PCDHGA3: variants seen among roughly 807,000 people sequenced by gnomAD.
PCDHGA3 encodes the protein protocadherin gamma-A3.
In PCDHGA3, 40 loss-of-function variants were observed where a neutral mutation model predicts 58.5. The observed-to-expected ratio is 0.68, with a 90% CI of 0.53 to 0.89. PCDHGA3 has a LOEUF of 0.89. Among genes scored for constraint, PCDHGA3 ranks in the 40% least tolerant of loss-of-function variants. The pLI, the probability that PCDHGA3 is intolerant of heterozygous loss-of-function variation, is 0.00. For synonymous variants in PCDHGA3, 530 were observed against 525.7 expected (o/e 1.01, Z -0.11); for missense variants, 1,223 against 1,195.9 (o/e 1.02, Z -0.33).
rs781591902 is a variant in PCDHGA3, at chr5:141,477,086, G to A, written c.2425-17721G>A. The A allele has an allele frequency of 1.1e-5, 18 of 1,614,128 alleles. No individual in the cohort carries two copies. In the East Asian group the frequency reaches 3.8e-4, roughly 34 times the overall value. The stretch of plus-strand genomic sequence containing the variant: ...CAAACTCCATGAGATTTACATCCAG[G>A]CCAAAGACAAGGGCGCCAATCCCGA... On this transcript the variant is annotated intron_variant, in intron 1 of 3. Coordinates refer to ENST00000253812, the MANE Select transcript of PCDHGA3 (RefSeq NM_018916.4). The surrounding 1 kb of genome is among the most constrained non-coding windows in gnomAD (Gnocchi z 4.9).
chr5:141,419,084 GC>G (rs1218012099), intron 1 of PCDHGA3: 1 of 1,613,802 alleles, frequency 6.2e-7, no homozygotes, highest in African/African-American at 1.3e-5. Flanking sequence ...AACAGATGAG[GC>G]CCTGGATCGG....
At chr5:141,382,772 C>G (rs1778420393) in intron 1 of PCDHGA3, 1 of 776,996 alleles carries the variant, frequency 1.3e-6, no homozygotes, top group Non-Finnish European at 2.0e-6. Context: ...CCAGGCTGCA[C>G]TAAACTCAAG....
chr5:141,459,756 G>A (rs1455980132), intron 1 of PCDHGA3, among the ~76,000 whole-genome samples: 1 of 152,118 alleles, frequency 6.6e-6, no homozygotes, highest in Non-Finnish European at 1.5e-5. Flanking sequence ...AATTCTAGTG[G>A]GTGTGTGATA....
At chr5:141,413,333 C>T in intron 1 of PCDHGA3, 1 of 1,613,966 alleles carries the variant, frequency 6.2e-7, no homozygotes, top group Non-Finnish European at 8.5e-7. Context: ...GGCAACATCT[C>T]CAAGGACTTG....
At position 141,395,074 on chromosome 5, in the gene PCDHGA3, C is replaced by T. The variant is rs368699767; in HGVS notation, c.2424+48617C>T. The T allele has an allele frequency of 3.9e-5, 63 of 1,614,048 alleles. No homozygotes were observed. The African/African-American group carries it at 6.0e-4, about 15-fold the overall frequency. Reference sequence around the variant, plus strand: ...GTACAGGCTTTCCTGCAGACCTATTCCCAGGAAGTCTCCCTCACCGCCGAC... The same window carrying T: ...GTACAGGCTTTCCTGCAGACCTATTTCCAGGAAGTCTCCCTCACCGCCGAC... On this transcript the variant is annotated intron_variant, in intron 1 of 3. Transcript: ENST00000253812.
intron 1 of PCDHGA3, chr5:141,399,023 C>T: frequency 6.2e-7 from 1 of 1,613,914 alleles, no homozygotes; most frequent in African/African-American, 1.3e-5. Flanking sequence ...GAAATTACCA[C>T]TCAAAAGAAA....
Position 141,345,140 on chromosome 5 carries a change from C to G in PCDHGA3, c.1107C>G (p.Ile369Met). 6.2e-7 allele frequency: 1 copy of G among 1,613,916 alleles called. No homozygotes were observed. Among genetic ancestry groups the G allele is most frequent in the Non-Finnish European group, 8.5e-7 (1 of 1,179,870 alleles). Residue 369 changes from isoleucine (I) to methionine (M), a missense_variant, in exon 1 of 4, where the codon ATC (isoleucine) becomes ATG (methionine). By Grantham distance (10) the Ile-to-Met change is conservative. Coordinates refer to ENST00000253812, the MANE Select transcript of PCDHGA3 (RefSeq NM_018916.4). ...EGTVGREIALIDVHDRDSGQN... is the reference protein window; with the variant it reads ...EGTVGREIALMDVHDRDSGQN... The stretch of plus-strand genomic sequence containing the variant: ...CCGTTGGAAGAGAAATTGCTCTTAT[C>G]GACGTGCATGACCGAGATTCTGGGC...
In PCDHGA3 at chr5:141,432,856, G is replaced by C; in HGVS notation, c.2425-61951G>C. 1 of 1,614,142 alleles carries C rather than the reference G, an allele frequency of 6.2e-7. No homozygotes were observed. The highest frequency in any genetic ancestry group is 1.7e-5 in the Admixed American group (1 of 60,030). On this transcript the variant is annotated intron_variant, in intron 1 of 3. Coordinates refer to ENST00000253812, the MANE Select transcript of PCDHGA3 (RefSeq NM_018916.4). This position sits in a 1 kb window ranked among gnomAD's most constrained non-coding sequence, Gnocchi z 6.0. Reference sequence around the variant, plus strand: ...TGTACCTGGTGGTAGCGGTGGCCGCGGTCTCCTGCGTCTTCCTGGCCTTCG... The same window carrying C: ...TGTACCTGGTGGTAGCGGTGGCCGCCGTCTCCTGCGTCTTCCTGGCCTTCG...
At position 141,491,672 on chromosome 5, in the gene PCDHGA3, G is replaced by A. The variant is rs754836157; in HGVS notation, c.2425-3135G>A. The A allele has an allele frequency of 9.9e-6, 16 of 1,613,494 alleles. No homozygotes were observed. The South Asian group carries it at 1.4e-4, about 14-fold the overall frequency. On this transcript the variant is annotated intron_variant, in intron 1 of 3. Transcript: ENST00000253812. This position sits in a 1 kb window ranked among gnomAD's most constrained non-coding sequence, Gnocchi z 6.9. ...CTGGAGCCTGACGCCATCCGGTCCCGCTCTAATACGCTGCGGGAGCGGAGC... is the reference window on the plus strand; with the variant it reads ...CTGGAGCCTGACGCCATCCGGTCCCACTCTAATACGCTGCGGGAGCGGAGC...
rs1463716042 is a variant in PCDHGA3 at position 141,511,338 on chromosome 5, T to C, written c.*165T>C. 42 of 1,429,834 alleles carry C rather than the reference T, an allele frequency of 2.9e-5. No homozygotes were observed. The highest frequency in any genetic ancestry group is 3.9e-5 in the Non-Finnish European group (42 of 1,075,502). 88.6% of individuals were successfully genotyped at this position (1,429,834 alleles called of 1,614,324 possible). A position where few individuals can be genotyped will look rare whatever the true frequency, so the allele number is the denominator to read the frequency against. On this transcript the variant is annotated 3_prime_UTR_variant, in exon 4 of 4. Coordinates refer to ENST00000253812, the MANE Select transcript of PCDHGA3 (RefSeq NM_018916.4). ...CAGAAACAAGTGCCCAGTCAGCACC[T>C]ACCCCTTCCCCCCCAGGGGGTTGAA... is the stretch of plus-strand genomic sequence containing the variant.
At chr5:141,395,156 T>C in intron 1 of PCDHGA3, 4 of 1,614,114 alleles carry the variant, frequency 2.5e-6, no homozygotes, top group East Asian at 4.5e-5. Context: ...TGCTCATCAG[T>C]CAGGAGGGCT....
In PCDHGA3 at chr5:141,477,028, G is replaced by A. The variant is rs1015508317; in HGVS notation, c.2425-17779G>A. On this transcript the variant is annotated intron_variant, in intron 1 of 3. Coordinates refer to ENST00000253812, the MANE Select transcript of PCDHGA3 (RefSeq NM_018916.4). The surrounding 1 kb of genome is among the most constrained non-coding windows in gnomAD (Gnocchi z 4.9). ...CCTTAGACCTTGTAACCGGGATGCT[G>A]ACAATCAAGGGTCGGCTGGACTTCG... The A allele has an allele frequency of 2.5e-6, 4 of 1,614,146 alleles. No homozygotes were observed. The highest frequency in any genetic ancestry group is 1.7e-5 in the Admixed American group (1 of 60,018).
At chr5:141,494,976 G>A in intron 2 of PCDHGA3, 111 bp downstream of exon 2, 1 of 1,575,636 alleles carries the variant, frequency 6.3e-7, no homozygotes. Flanking sequence ...TTCTCCCTCA[G>A]TTTGAGATCC....
At chr5:141,390,339 C>A in intron 1 of PCDHGA3, 2 of 1,591,234 alleles carry the variant, frequency 1.3e-6, no homozygotes, top group Non-Finnish European at 1.7e-6. Flanking sequence ...TCCATATTCA[C>A]AAGAAAATAT....
rs1252377833 is a variant in PCDHGA3, at chr5:141,485,012, G to T, written c.2425-9795G>T. On this transcript the variant is annotated intron_variant, in intron 1 of 3. Coordinates refer to ENST00000253812, the MANE Select transcript of PCDHGA3 (RefSeq NM_018916.4). The surrounding 1 kb of genome is among the most constrained non-coding windows in gnomAD (Gnocchi z 5.7). Reference sequence around the variant, plus strand: ...GGTGAAAGGCAGACAAATCTACCCCGCCACCAGCAAAAACGGCGCGTAACC... The same window carrying T: ...GGTGAAAGGCAGACAAATCTACCCCTCCACCAGCAAAAACGGCGCGTAACC... The T allele has an allele frequency of 1.3e-5, 8 of 630,528 alleles. No individual in the cohort carries two copies. In the Admixed American group the frequency reaches 1.5e-4, roughly 12 times the overall value. 39.1% of individuals were successfully genotyped at this position (630,528 alleles called of 1,614,324 possible).
intron 1 of PCDHGA3, chr5:141,399,197 T>G: frequency 6.2e-7 from 1 of 1,613,926 alleles, no homozygotes; most frequent in Non-Finnish European, 8.5e-7. Context: ...GAAAACGCGG[T>G]GCCTGGAACA....
chr5:141,433,703 G>T (rs1561871157), intron 1 of PCDHGA3, among the ~76,000 whole-genome samples: 1 of 152,098 alleles, frequency 6.6e-6, no homozygotes, highest in Non-Finnish European at 1.5e-5. Flanking sequence ...CGGGCGTGGT[G>T]GTGCATGTCT....
At position 141,430,558 on chromosome 5, in the gene PCDHGA3, G is replaced by A. The variant is rs1472516429; in HGVS notation, c.2425-64249G>A. 2.2e-5 allele frequency: 9 copies of A among 417,488 alleles called. No homozygotes were observed. In the East Asian group the frequency reaches 3.3e-4, roughly 15 times the overall value. The allele number at this position is 417,488 out of a possible 1,614,324, so 25.9% of individuals were successfully genotyped here. On this transcript the variant is annotated intron_variant, in intron 1 of 3. Transcript: ENST00000253812. ...TCTGAGCGCCGCTGTTCACCAATCGGGGAGAGAAAAGCGGAGATCCTGCTC... is the reference window on the plus strand; with the variant it reads ...TCTGAGCGCCGCTGTTCACCAATCGAGGAGAGAAAAGCGGAGATCCTGCTC...
chr5:141,430,458 A>G, intron 1 of PCDHGA3: 1 of 204,230 alleles, frequency 4.9e-6, no homozygotes, highest in Non-Finnish European at 9.7e-6. Context: ...GAAGAACAGT[A>G]GGTGGAGCTA....
Sources: allele counts gnomAD v4.1 joint callset (sites outside exome capture counted in the v4.1 genomes callset), GRCh38; gene constraint gnomAD v4.1.1; non-coding constraint Gnocchi (gnomAD v3.1); transcripts MANE v1.5; gene names NCBI Gene and HGNC (gene_info 2026-07-23, HGNC 2026-07-21).